The following WNK2 variants were observed in gnomAD, a reference collection of about 807,000 sequenced individuals.
WNK2 encodes the protein serine/threonine-protein kinase WNK2.
Under a neutral mutation model 192.1 loss-of-function variants are expected in WNK2, and 67 were observed. The ratio of observed to expected loss-of-function variants is 0.35; its 90% confidence interval spans 0.29 to 0.43. The LOEUF (loss-of-function observed/expected upper bound fraction) is 0.43. Among genes scored for constraint, WNK2 ranks in the 20% least tolerant of loss-of-function variants. The pLI is 1.00. For synonymous variants in WNK2, 1,439 were observed against 1,393.9 expected (o/e 1.03, Z -0.72); for missense variants, 2,698 against 3,089.7 (o/e 0.87, Z 3.01).
rs1240612829 is a variant in WNK2 at position 93,268,707 on chromosome 9, C to T, written c.3994C>T (p.Pro1332Ser). Residue 1332 changes from proline (P) to serine (S), a missense_variant, in exon 19 of 30, where the codon CCA (proline) becomes TCA (serine). By Grantham distance (74) the Pro-to-Ser change is moderately conservative. This residue lies in a region of WNK2 where 1,098 missense variants were observed against 1,101.0 expected (regional missense o/e 1.00). Coordinates refer to ENST00000427277, the MANE Select transcript of WNK2 (RefSeq NM_006648.4). Reference sequence around the variant, plus strand: ...CCCCGAGGCCCCTGAATCTTCGCCCCCACTTCCTCTAAGCTCCCTGCCGCC... The same window carrying T: ...CCCCGAGGCCCCTGAATCTTCGCCCTCACTTCCTCTAAGCTCCCTGCCGCC... ...PAPEAPESSP[P>S]LPLSSLPPEA... The T allele has an allele frequency of 5.6e-6, 9 of 1,613,290 alleles. No individual in the cohort carries two copies. Among genetic ancestry groups the T allele is most frequent in the African/African-American group, 1.3e-5 (1 of 74,898 alleles).
chr9:93,214,697 GCC>G (rs371026822), intron 2 of WNK2, among the ~76,000 whole-genome samples: 5,884 of 79,392 alleles, frequency 0.074, 295 homozygotes, highest in African/African-American at 0.14. Context: ...TGAAGGTAGT[GCC>G]CCCCCCCCCC....
rs1173137147 is a variant in WNK2 at position 93,261,962 on chromosome 9, C to G, written c.3215C>G (p.Ser1072Cys). The G allele has an allele frequency of 6.2e-7, 1 of 1,611,890 alleles. No homozygotes were observed. The highest frequency in any genetic ancestry group is 1.1e-5 in the South Asian group (1 of 91,058). The change falls in exon 13 of 30, where the codon TCC becomes TGC. Residue 1072 changes from serine (S) to cysteine (C), a missense_variant. By Grantham distance (112) the Ser-to-Cys change is moderately radical. Around this residue, in one of 7 missense-constraint regions of WNK2, gnomAD observed 893 missense variants for 909.0 expected, o/e 0.98. Transcript: ENST00000427277. ...APELLPQFPS[S>C]LATVSASVQS... Reference sequence around the variant, plus strand: ...GAGCTCCTGCCTCAGTTCCCCAGCTCCCTGGCCACGGTGTCTGCCTCTGTG... The same window carrying G: ...GAGCTCCTGCCTCAGTTCCCCAGCTGCCTGGCCACGGTGTCTGCCTCTGTG...
intron 2 of WNK2, among the ~76,000 whole-genome samples, chr9:93,208,698 G>T (rs1024206539): frequency 8.6e-4 from 1 of 1,166 alleles, no homozygotes. Flanking sequence ...TGTTCTGTGT[G>T]TCTGCGTGTT....
At chr9:93,313,938 T>C (rs1270219359) in intron 28 of WNK2, among the ~76,000 whole-genome samples, 1 of 151,744 alleles carries the variant, frequency 6.6e-6, no homozygotes, top group Non-Finnish European at 1.5e-5. Flanking sequence ...GACCAGCCTT[T>C]GCAATATGGC....
rs116234982 is a variant in WNK2, at chr9:93,277,800, A to G, written c.4033+9054A>G. ...TGTGTGTCAAAACTCATGGAACTCT[A>G]CCCCTAAAGAAAAAGTTAATTTTAC... On this transcript the variant is annotated intron_variant, in intron 19 of 29. Coordinates refer to ENST00000427277, the MANE Select transcript of WNK2 (RefSeq NM_006648.4). Among the ~76,000 whole-genome samples, 820 of 152,272 alleles carry G rather than the reference A, an allele frequency of 5.4e-3. 7 individuals carry two copies. Among genetic ancestry groups the G allele is most frequent in the African/African-American group, 0.019 (771 of 41,546 alleles).
intron 2 of WNK2, among the ~76,000 whole-genome samples, chr9:93,209,887 T>C (rs1471531495): frequency 6.6e-6 from 1 of 152,206 alleles, no homozygotes; most frequent in Non-Finnish European, 1.5e-5. Flanking sequence ...GCCCCCACTC[T>C]GACTGGGGGA....
chr9:93,315,782 C>CT (rs1854536970), intron 28 of WNK2: 1 of 117,020 alleles, frequency 8.5e-6, no homozygotes, highest in African/African-American at 4.4e-5. Flanking sequence ...TTGAAGACCC[C>CT]TTGTGTGTGT....
chr9:93,311,611 G>T (rs996260358), intron 28 of WNK2, among the ~76,000 whole-genome samples: 98 of 123,454 alleles, frequency 7.9e-4, no homozygotes, highest in African/African-American at 2.8e-3. Context: ...GGGTTTTTTT[G>T]TTTGTGTGTG....
At chr9:93,254,553 T>G (rs1367035955) in intron 9 of WNK2, among the ~76,000 whole-genome samples, 1 of 152,232 alleles carries the variant, frequency 6.6e-6, no homozygotes, top group Non-Finnish European at 1.5e-5. Context: ...GTGGAAGCTG[T>G]TTGCCGAGTC....
At chr9:93,288,640 A>G (rs1848816092) in intron 19 of WNK2, 148 bp from the exon 20 acceptor site, 7 of 831,092 alleles carry the variant, frequency 8.4e-6, no homozygotes, top group Non-Finnish European at 3.7e-6. Context: ...AGCTGCAGGC[A>G]GGCAGGAGCC....
intron 8 of WNK2, among the ~76,000 whole-genome samples, chr9:93,250,523 C>T (rs1842437961): frequency 6.6e-6 from 1 of 152,234 alleles, no homozygotes; most frequent in African/African-American, 2.4e-5. Flanking sequence ...GCAGGAACCC[C>T]ATAATCCAAG....
At chr9:93,198,760 A>G (rs769379204) in intron 2 of WNK2, among the ~76,000 whole-genome samples, 1 of 152,204 alleles carries the variant, frequency 6.6e-6, no homozygotes, top group Non-Finnish European at 1.5e-5. Context: ...GTGCAGTGAC[A>G]GTGAATAGCC....
intron 7 of WNK2, among the ~76,000 whole-genome samples, chr9:93,245,730 C>A (rs1841569748): frequency 6.6e-6 from 1 of 152,208 alleles, no homozygotes; most frequent in African/African-American, 2.4e-5. Flanking sequence ...CTCAATGGGT[C>A]CTGCTCCACA....
intron 2 of WNK2, among the ~76,000 whole-genome samples, chr9:93,219,923 G>T (rs1393602608): frequency 2.0e-5 from 3 of 152,220 alleles, no homozygotes; most frequent in African/African-American, 4.8e-5. Flanking sequence ...GCGCATCCAG[G>T]CCCCACCCTG....
Position 93,298,071 on chromosome 9 carries a change from G to A in WNK2, c.5923+4G>A, listed in dbSNP as rs764410054. 3.6e-5 allele frequency: 55 copies of A among 1,548,984 alleles called. 1 individual carries two copies. The South Asian group carries it at 3.9e-4, about 11-fold the overall frequency. Reference sequence around the variant, plus strand: ...AAGGTCGTGGCCTCCAGCACAGGTCGGCCTCCGGGTGCAGGGCTGGGATGG... The same window carrying A: ...AAGGTCGTGGCCTCCAGCACAGGTCAGCCTCCGGGTGCAGGGCTGGGATGG... On this transcript the variant is annotated splice_donor_region_variant and intron_variant, in intron 24 of 29. Coordinates refer to ENST00000427277, the MANE Select transcript of WNK2 (RefSeq NM_006648.4).
chr9:93,296,800 C>G, intron 23 of WNK2, among the ~76,000 whole-genome samples: 1 of 117,434 alleles, frequency 8.5e-6, no homozygotes, highest in Admixed American at 8.1e-5. Context: ...CCATCCTTCC[C>G]TCACCTTTCT....
At chr9:93,210,321 T>A (rs1834278663) in intron 2 of WNK2, among the ~76,000 whole-genome samples, 1 of 152,036 alleles carries the variant, frequency 6.6e-6, no homozygotes, top group East Asian at 1.9e-4. Flanking sequence ...GATGGGGGAC[T>A]GGGGCGTTGC....
At chr9:93,313,508 GC>G in intron 28 of WNK2, among the ~76,000 whole-genome samples, 1 of 149,924 alleles carries the variant, frequency 6.7e-6, no homozygotes, top group Non-Finnish European at 1.5e-5. Flanking sequence ...TCTTTATATT[GC>G]CTTGTCTTTT....
intron 2 of WNK2, among the ~76,000 whole-genome samples, chr9:93,221,316 G>A (rs1255323511): frequency 6.6e-6 from 1 of 152,216 alleles, no homozygotes; most frequent in African/African-American, 2.4e-5. Flanking sequence ...GAACCTAGAG[G>A]AGTCCCTGGC....
Sources: gnomAD v4.1 joint callset for allele counts (sites outside exome capture counted in the v4.1 genomes callset) on GRCh38, gnomAD v4.1.1 for gene constraint, gnomAD v4.1.1 regional missense constraint, MANE v1.5 for transcripts, NCBI Gene and HGNC (gene_info 2026-07-23, HGNC 2026-07-21) for gene names.